TPMT: variants seen among roughly 807,000 people sequenced by gnomAD.
TPMT encodes S-adenosyl-L-methionine:thiopurine S-methyltransferase.
Under a neutral mutation model 34.2 loss-of-function variants are expected in TPMT, and 18 were observed. That is an observed-to-expected ratio of 0.53 (90% confidence interval 0.36 to 0.78). TPMT has a LOEUF of 0.78. Ranked by LOEUF, TPMT falls within the 30% of genes least tolerant of loss-of-function variation. The pLI is 0.00. For missense variants in TPMT, 265 were observed against 288.1 expected, an observed-to-expected ratio of 0.92 and a Z score of 0.58; for synonymous variants, 69 against 92.4, an observed-to-expected ratio of 0.75 and a Z score of 1.45.
rs1784042722 is a variant in TPMT, at chr6:18,136,533, G to A, written c.494+2430C>T. The stretch of plus-strand genomic sequence containing the variant: ...CTTTAAAGATTTGATTTTTCAGCCA[G>A]GCGTGGTGGCTTACACCTCTAATCC... On this transcript the variant is annotated intron_variant, in intron 6 of 8. Transcript: ENST00000309983. The surrounding 1 kb of genome is among the most constrained non-coding windows in gnomAD (Gnocchi z 4.7). Among the ~76,000 whole-genome samples the A allele has an allele frequency of 6.6e-6, 1 of 152,220 alleles. No homozygotes were observed. Among genetic ancestry groups the A allele is most frequent in the Admixed American group, 6.5e-5 (1 of 15,282 alleles).
At chr6:18,141,841 A>T (rs1784148038) in intron 4 of TPMT, among the ~76,000 whole-genome samples, 2 of 152,186 alleles carry the variant, frequency 1.3e-5, no homozygotes, top group African/African-American at 4.8e-5. Flanking sequence ...CCTTTCTAAC[A>T]AAGAGCAGCC....
At position 18,138,765 on chromosome 6, in the gene TPMT, T is replaced by C. The variant is rs1267109277; in HGVS notation, c.494+198A>G. 6.6e-6 allele frequency among the ~76,000 whole-genome samples: 1 copy of C among 152,230 alleles called. No homozygotes were observed. The highest frequency in any genetic ancestry group is 1.9e-4 in the East Asian group (1 of 5,200). ...GAAAGTGATTGAGCCACAAGCCTTA[T>C]AGCCTTACACCCAGGTCTCTGTAGT... is the stretch of plus-strand genomic sequence containing the variant. On this transcript the variant is annotated intron_variant, in intron 6 of 8. Transcript: ENST00000309983. This position sits in a 1 kb window ranked among gnomAD's most constrained non-coding sequence, Gnocchi z 4.1.
intron 1 of TPMT, among the ~76,000 whole-genome samples, chr6:18,151,543 T>G (rs894452768): frequency 6.6e-6 from 1 of 151,886 alleles, no homozygotes; most frequent in Non-Finnish European, 1.5e-5. Context: ...TAATGTAGGG[T>G]GATGTGAGTG....
At position 18,138,084 on chromosome 6, in the gene TPMT, G is replaced by C. The variant is rs1347427152; in HGVS notation, c.494+879C>G. On this transcript the variant is annotated intron_variant, in intron 6 of 8. Transcript: ENST00000309983. This position sits in a 1 kb window ranked among gnomAD's most constrained non-coding sequence, Gnocchi z 4.1. ...CGTGAGCCACCACACCCGGCCACAA[G>C]TATGGACTTCAAAGCCAAACACTCT... is the stretch of plus-strand genomic sequence containing the variant. Among the ~76,000 whole-genome samples, 1 of 152,088 alleles carries C rather than the reference G, an allele frequency of 6.6e-6. No individual in the cohort carries two copies. The highest frequency in any genetic ancestry group is 1.5e-5 in the Non-Finnish European group (1 of 68,008).
chr6:18,142,016 G>T (rs947307961), intron 4 of TPMT, among the ~76,000 whole-genome samples: 1 of 152,050 alleles, frequency 6.6e-6, no homozygotes, highest in African/African-American at 2.4e-5. Context: ...AGGGTGGGGC[G>T]ACCAGCCTTC....
At chr6:18,133,155 T>C (rs2150708754) in intron 7 of TPMT, among the ~76,000 whole-genome samples, 1 of 152,170 alleles carries the variant, frequency 6.6e-6, no homozygotes. Flanking sequence ...AAAACAAGCA[T>C]GTTAAAAAGC....
Position 18,144,049 on chromosome 6 carries a change from G to A in TPMT, c.234-321C>T, listed in dbSNP as rs73379165. The stretch of plus-strand genomic sequence containing the variant: ...TTTAATACAAATTGATTTGACTAGA[G>A]GAAATGCTTTTCAATTTCTCTAAAT... On this transcript the variant is annotated intron_variant, in intron 3 of 8. Coordinates refer to ENST00000309983, the MANE Select transcript of TPMT (RefSeq NM_000367.5). Among the ~76,000 whole-genome samples the A allele has an allele frequency of 5.7e-3, 863 of 152,160 alleles. 4 individuals are homozygous for A. The highest frequency in any genetic ancestry group is 0.02 in the African/African-American group (827 of 41,514).
chr6:18,144,710 A>T (rs565130168), intron 3 of TPMT, among the ~76,000 whole-genome samples: 1 of 146,076 alleles, frequency 6.8e-6, no homozygotes, highest in Admixed American at 7.0e-5. Flanking sequence ...AAAGAGGAAA[A>T]TTTTTTCCTC....
Position 18,131,508 on chromosome 6 carries a change from G to A in TPMT, c.625+625C>T, listed in dbSNP as rs1282894661. Among the ~76,000 whole-genome samples, 1 of 152,122 alleles carries A rather than the reference G, an allele frequency of 6.6e-6. No homozygotes were observed. Among genetic ancestry groups the A allele is most frequent in the African/African-American group, 2.4e-5 (1 of 41,418 alleles). ...GGTGGGAGGATCACTTGTGCCCAGG[G>A]AGGTCGAGGCTGCAGTGAGCTGTGA... On this transcript the variant is annotated intron_variant, in intron 8 of 8. Coordinates refer to ENST00000309983, the MANE Select transcript of TPMT (RefSeq NM_000367.5). The surrounding 1 kb of genome is among the most constrained non-coding windows in gnomAD (Gnocchi z 4.3).
chr6:18,150,139 C>G lies in TPMT; in HGVS notation c.-44-968G>C, dbSNP rs1176171686. 1.3e-5 allele frequency among the ~76,000 whole-genome samples: 2 copies of G among 152,212 alleles called. No individual in the cohort carries two copies. The highest frequency in any genetic ancestry group is 2.9e-5 in the Non-Finnish European group (2 of 68,038). On this transcript the variant is annotated intron_variant, in intron 1 of 8. Coordinates refer to ENST00000309983, the MANE Select transcript of TPMT (RefSeq NM_000367.5). This position sits in a 1 kb window ranked among gnomAD's most constrained non-coding sequence, Gnocchi z 5.3. Reference sequence around the variant, plus strand: ...GGCTTCAAGTTGGGGTTCCCACACCCTCCACTTTGGGTTTGCTTAATTTGC... The same window carrying G: ...GGCTTCAAGTTGGGGTTCCCACACCGTCCACTTTGGGTTTGCTTAATTTGC...
rs144694480 is a variant in TPMT at position 18,153,281 on chromosome 6, CATT to C, written c.-45+1749_-45+1751del. Among the ~76,000 whole-genome samples, 1,918 of 152,306 alleles carry C rather than the reference CATT, an allele frequency of 0.013. 37 individuals carry two copies. The highest frequency in any genetic ancestry group is 0.043 in the African/African-American group (1,802 of 41,560). ...TCTCCTTTCTAAATTATGAACTTCT[CATT>C]CTTCAGCTGACAGACCATAACTGCA... On this transcript the variant is annotated intron_variant, in intron 1 of 8. Transcript: ENST00000309983. This position sits in a 1 kb window ranked among gnomAD's most constrained non-coding sequence, Gnocchi z 4.2.
chr6:18,143,680 A>AT lies in TPMT; in HGVS notation c.281_282insA (p.Gly95TrpfsTer28), dbSNP rs755907755. 6.2e-7 allele frequency: 1 copy of AT among 1,614,128 alleles called. No homozygotes were observed. Among genetic ancestry groups the AT allele is most frequent in the Admixed American group, 1.7e-5 (1 of 60,014 alleles). ...GCTCTGTAAAAAATTCTTGTATCCC[A>AT]AGTTCACTGATTTCCACACCAACTA... On this transcript the variant is annotated frameshift_variant, in exon 4 of 9. Coordinates refer to ENST00000309983, the MANE Select transcript of TPMT (RefSeq NM_000367.5). LOFTEE classifies it high-confidence loss of function. This position sits in a 1 kb window ranked among gnomAD's most constrained non-coding sequence, Gnocchi z 6.1.
chr6:18,149,286 TTTTTATTTCTGG>T lies in TPMT; in HGVS notation c.-44-127_-44-116del, dbSNP rs1784307963. On this transcript the variant is annotated intron_variant, in intron 1 of 8. Transcript: ENST00000309983. This position sits in a 1 kb window ranked among gnomAD's most constrained non-coding sequence, Gnocchi z 5.0. The stretch of plus-strand genomic sequence containing the variant: ...GACTTTTTAAAAATATTTCTTTCTT[TTTTTATTTCTGG>T]TTTTATTTTTGAGATGGAGTCTCAC... 19 of 977,882 alleles carry T rather than the reference TTTTTATTTCTGG, an allele frequency of 1.9e-5. No homozygotes were observed. The highest frequency in any genetic ancestry group is 2.6e-5 in the Non-Finnish European group (17 of 666,608). 60.6% of individuals were successfully genotyped at this position (977,882 alleles called of 1,614,324 possible).
Position 18,132,163 on chromosome 6 carries a change from C to T in TPMT, c.595G>A (p.Val199Ile), listed in dbSNP as rs1783957913. The change falls in exon 8 of 9, where the codon GTT (valine) becomes ATT (isoleucine). Residue 199 changes from valine (V) to isoleucine (I), a missense_variant. Coordinates refer to ENST00000309983, the MANE Select transcript of TPMT (RefSeq NM_000367.5). This position sits in a 1 kb window ranked among gnomAD's most constrained non-coding sequence, Gnocchi z 4.8. ...PTKHPGPPFY[V>I]PHAEIERLFG... Reference sequence around the variant, plus strand: ...AACCTTTCAATTTCAGCATGTGGAACATAAAATGGTGGACCTAGGTAAAAG... The same window carrying T: ...AACCTTTCAATTTCAGCATGTGGAATATAAAATGGTGGACCTAGGTAAAAG... 5 of 1,614,132 alleles carry T rather than the reference C, an allele frequency of 3.1e-6. No individual in the cohort carries two copies. The highest frequency in any genetic ancestry group is 2.2e-5 in the South Asian group (2 of 91,080).
rs1007883159 is a variant in TPMT at position 18,148,691 on chromosome 6, T to C, written c.140+297A>G. On this transcript the variant is annotated intron_variant, in intron 2 of 8. Coordinates refer to ENST00000309983, the MANE Select transcript of TPMT (RefSeq NM_000367.5). This position sits in a 1 kb window ranked among gnomAD's most constrained non-coding sequence, Gnocchi z 4.1. Reference sequence around the variant, plus strand: ...ATAAACATTGCTTGAGCACCTGTTGTAGGTATAAATATTCAGGGCCAATAC... The same window carrying C: ...ATAAACATTGCTTGAGCACCTGTTGCAGGTATAAATATTCAGGGCCAATAC... 3.3e-5 allele frequency among the ~76,000 whole-genome samples: 5 copies of C among 152,222 alleles called. No homozygotes were observed. The South Asian group carries it at 1.0e-3, about 32-fold the overall frequency.
rs1282754346 is a variant in TPMT at position 18,149,099 on chromosome 6, A to C, written c.29T>G (p.Ile10Ser). The change falls in exon 2 of 9, where the codon ATT becomes AGT. Residue 10 changes from isoleucine (I) to serine (S), a missense_variant. Ile to Ser is a moderately radical substitution (Grantham distance 142, BLOSUM62 -2). Transcript: ENST00000309983. The surrounding 1 kb of genome is among the most constrained non-coding windows in gnomAD (Gnocchi z 5.0). MDGTRTSLD[I>S]EEYSDTEVQK... ...TACCTCAGTATCCGAGTACTCTTCA[A>C]TGTCAAGTGAAGTTCTTGTACCATC... 1.2e-6 allele frequency: 2 copies of C among 1,614,114 alleles called. No individual in the cohort carries two copies. Among genetic ancestry groups the C allele is most frequent in the Middle Eastern group, 1.7e-4 (1 of 6,060 alleles).
In TPMT at chr6:18,132,042, G is replaced by T. The variant is rs1311334744; in HGVS notation, c.625+91C>A. On this transcript the variant is annotated intron_variant, in intron 8 of 8. Coordinates refer to ENST00000309983, the MANE Select transcript of TPMT (RefSeq NM_000367.5). This position sits in a 1 kb window ranked among gnomAD's most constrained non-coding sequence, Gnocchi z 4.8. ...TCTGCCCACCTTGGCCTCCCAAAGT[G>T]CTGGAAATACAGGCATGAGCCAGCA... 6.3e-6 allele frequency: 9 copies of T among 1,432,130 alleles called. No individual in the cohort carries two copies. The highest frequency in any genetic ancestry group is 8.8e-6 in the Non-Finnish European group (9 of 1,019,652). 88.7% of individuals were successfully genotyped at this position (1,432,130 alleles called of 1,614,324 possible). A position where few individuals can be genotyped will look rare whatever the true frequency, so the allele number is the denominator to read the frequency against.
chr6:18,143,681 A>C lies in TPMT; in HGVS notation c.281T>G (p.Leu94Arg). ...CTCTGTAAAAAATTCTTGTATCCCA[A>C]GTTCACTGATTTCCACACCAACTAC... ...HSVVGVEISELGIQEFFTEQN... is the reference protein window; with the variant it reads ...HSVVGVEISERGIQEFFTEQN... Residue 94 changes from leucine (L) to arginine (R), a missense_variant, in exon 4 of 9, where the codon CTT becomes CGT. Transcript: ENST00000309983. The surrounding 1 kb of genome is among the most constrained non-coding windows in gnomAD (Gnocchi z 6.1). The C allele has an allele frequency of 6.2e-7, 1 of 1,614,120 alleles. No individual in the cohort carries two copies. Among genetic ancestry groups the C allele is most frequent in the Non-Finnish European group, 8.5e-7 (1 of 1,180,008 alleles).
chr6:18,140,474 G>C lies in TPMT; in HGVS notation c.367-757C>G, dbSNP rs1289227009. Among the ~76,000 whole-genome samples, 2 of 152,130 alleles carry C rather than the reference G, an allele frequency of 1.3e-5. No homozygotes were observed. The highest frequency in any genetic ancestry group is 4.8e-5 in the African/African-American group (2 of 41,426). Reference sequence around the variant, plus strand: ...GGAGGCTGAAGCAGGCAGATCGCTTGAGCCCAGGAGTATGAGACCAGCCTG... The same window carrying C: ...GGAGGCTGAAGCAGGCAGATCGCTTCAGCCCAGGAGTATGAGACCAGCCTG... On this transcript the variant is annotated intron_variant, in intron 4 of 8. Transcript: ENST00000309983. The surrounding 1 kb of genome is among the most constrained non-coding windows in gnomAD (Gnocchi z 4.7).
Sources: gnomAD v4.1 joint callset for allele counts (sites outside exome capture counted in the v4.1 genomes callset) on GRCh38, gnomAD v4.1.1 for gene constraint, Gnocchi (gnomAD v3.1) non-coding constraint, MANE v1.5 for transcripts, NCBI Gene and HGNC (gene_info 2026-07-23, HGNC 2026-07-21) for gene names.